The following SPAG7 variants were observed in gnomAD, a reference collection of about 807,000 sequenced individuals.
SPAG7 encodes the protein sperm associated antigen 7, also known as sperm-associated antigen 7.
A neutral mutation model predicts 30.6 loss-of-function variants in SPAG7; 20 were observed. That is an observed-to-expected ratio of 0.65 (90% CI 0.46 to 0.95). The LOEUF (loss-of-function observed/expected upper bound fraction) is 0.95. Ranked by LOEUF, SPAG7 falls within the 40% of genes least tolerant of loss-of-function variation. SPAG7 has a pLI of 0.00. For missense variants in SPAG7, 276 were observed against 291.1 expected (o/e 0.95, Z 0.38); for synonymous variants, 127 against 104.2 (o/e 1.22, Z -1.33).
rs1271908426 is a variant in SPAG7, at chr17:4,960,479, G to A, written c.222C>T (p.Asn74=). The A allele has an allele frequency of 1.2e-6, 2 of 1,602,254 alleles. No individual in the cohort carries two copies. The highest frequency in any genetic ancestry group is 2.2e-5 in the East Asian group (1 of 44,850). ...GQIKKKFQPM[N]KIERSILHDV... is the part of the protein sequence containing the mutation. ...CTCACAGTATGCTCCTCTCGATCTT[G>A]TTCATTGGCTGAAACTTTTTCTTGA... Residue 74 remains asparagine (N), a synonymous_variant, in exon 3 of 7, where the codon AAC becomes AAT. Transcript: ENST00000206020.
At chr17:4,963,654 T>G (rs1020193869) in intron 1 of SPAG7, among the ~76,000 whole-genome samples, 3 of 152,020 alleles carry the variant, frequency 2.0e-5, no homozygotes, top group Non-Finnish European at 4.4e-5. Context: ...AGATGGGGTT[T>G]CACCATATTG....
chr17:4,962,784 G>A (rs1420060531), intron 1 of SPAG7, among the ~76,000 whole-genome samples: 1 of 151,836 alleles, frequency 6.6e-6, no homozygotes, highest in African/African-American at 2.4e-5. Flanking sequence ...TCCTGACCTC[G>A]TGATCCGCCC....
rs1295167889 is a variant in SPAG7 at position 4,959,507 on chromosome 17, G to A, written c.*27C>T. 1 of 1,587,090 alleles carries A rather than the reference G, an allele frequency of 6.3e-7. No homozygotes were observed. Among genetic ancestry groups the A allele is most frequent in the South Asian group, 1.1e-5 (1 of 90,588 alleles). On this transcript the variant is annotated 3_prime_UTR_variant, in exon 7 of 7. Transcript: ENST00000206020. ...TCTCCCTGCCCCCTGCCCTGCCCCAGGGGTCAAAGGGAGCTGGGCGGGGCG... is the reference window on the plus strand; with the variant it reads ...TCTCCCTGCCCCCTGCCCTGCCCCAAGGGTCAAAGGGAGCTGGGCGGGGCG...
At chr17:4,967,669 TGGTCCCGAGAACC>T in intron 1 of SPAG7, 38 bp downstream of exon 1, 9 of 1,383,400 alleles carry the variant, frequency 6.5e-6, no homozygotes, top group Non-Finnish European at 9.3e-6. Context: ...GGGAGAAGTA[TGGTCCCGAGAACC>T]GGGCGAAGGA....
Position 4,966,665 on chromosome 17 carries a change from A to G in SPAG7, c.85+1055T>C, listed in dbSNP as rs569543700. The G allele has an allele frequency of 1.5e-5, 15 of 985,216 alleles. No individual in the cohort carries two copies. In the Admixed American group the frequency reaches 8.0e-4, roughly 52 times the overall value. 61.0% of individuals were successfully genotyped at this position (985,216 alleles called of 1,614,324 possible). On this transcript the variant is annotated intron_variant, in intron 1 of 6. Transcript: ENST00000206020. ...ACCTCAGGTGGCCGCTCTCACAGTT[A>G]TTTTTCTCTCAGAGCACTTATCAAG... is the stretch of plus-strand genomic sequence containing the variant.
In SPAG7 at chr17:4,967,750, C is replaced by A. The variant is rs545945620; in HGVS notation, c.55G>T (p.Gly19Cys). 3.1e-6 allele frequency: 5 copies of A among 1,614,094 alleles called. No individual in the cohort carries two copies. The African/African-American group carries it at 5.3e-5, about 17-fold the overall frequency. The change falls in exon 1 of 7, where the codon GGT (glycine) becomes TGT (cysteine). Residue 19 changes from glycine to cysteine, a missense_variant. Physicochemically the swap from Gly to Cys is radical, Grantham distance 159. Transcript: ENST00000206020. ...LSSMEKPPSL[G>C]DQETRRKARE... The stretch of plus-strand genomic sequence containing the variant: ...GCCTTGCGCCGAGTCTCCTGGTCAC[C>A]GAGGCTGGGTGGCTTCTCCATGGAG...
chr17:4,966,469 C>G lies in SPAG7; in HGVS notation c.85+1251G>C, dbSNP rs1356321329. ...CCCAGTCTGTCAATGCCGGGTGATC[C>G]CCCACTTAGACAGTCATCGGAGCAT... On this transcript the variant is annotated intron_variant, in intron 1 of 6. Transcript: ENST00000206020. 3 of 567,232 alleles carry G rather than the reference C, an allele frequency of 5.3e-6. No individual in the cohort carries two copies. In the African/African-American group the frequency reaches 6.1e-5, roughly 12 times the overall value. The allele number at this position is 567,232 out of a possible 1,614,324, so 35.1% of individuals were successfully genotyped here.
chr17:4,959,228 G>A lies in SPAG7; in HGVS notation c.*306C>T, dbSNP rs1440658532. On this transcript the variant is annotated 3_prime_UTR_variant, in exon 7 of 7. Transcript: ENST00000206020. ...CTGTGTATAAACAAACCAGGACATT[G>A]GGTTAAACAGTATTTATTGAATGTA... 4.5e-6 allele frequency: 2 copies of A among 448,856 alleles called. No homozygotes were observed. The highest frequency in any genetic ancestry group is 8.0e-6 in the Non-Finnish European group (2 of 249,478). 27.8% of individuals were successfully genotyped at this position (448,856 alleles called of 1,614,324 possible). A position where few individuals can be genotyped will look rare whatever the true frequency, so the allele number is the denominator to read the frequency against.
At position 4,959,474 on chromosome 17, in the gene SPAG7, G is replaced by A; in HGVS notation, c.*60C>T. On this transcript the variant is annotated 3_prime_UTR_variant, in exon 7 of 7. Coordinates refer to ENST00000206020, the MANE Select transcript of SPAG7 (RefSeq NM_004890.3). The stretch of plus-strand genomic sequence containing the variant: ...TCCAGGATGGGCTCTAATAGCAGCA[G>A]CCTTGTCTCTCCCTGCCCCCTGCCC... The A allele has an allele frequency of 4.4e-6, 6 of 1,378,010 alleles. No homozygotes were observed. Among genetic ancestry groups the A allele is most frequent in the Non-Finnish European group, 6.1e-6 (6 of 976,706 alleles). The allele number at this position is 1,378,010 out of a possible 1,614,324, so 85.4% of individuals were successfully genotyped here.
chr17:4,963,973 G>A (rs1200919163), intron 1 of SPAG7, among the ~76,000 whole-genome samples: 9 of 151,978 alleles, frequency 5.9e-5, no homozygotes. Flanking sequence ...CATCTTTACA[G>A]AAAACTTTTT....
At chr17:4,961,019 C>T (rs1454427416) in intron 1 of SPAG7, among the ~76,000 whole-genome samples, 166 bp from the exon 2 acceptor site, 1 of 152,180 alleles carries the variant, frequency 6.6e-6, no homozygotes, top group Non-Finnish European at 1.5e-5. Context: ...ATCTAATAGT[C>T]CCCCTTATCC....
intron 1 of SPAG7, chr17:4,966,911 C>T (rs924306672): frequency 8.1e-6 from 8 of 985,438 alleles, no homozygotes; most frequent in Non-Finnish European, 9.6e-6. Flanking sequence ...TGGTCAAGGT[C>T]CGCAGGTTTG....
chr17:4,961,693 A>G (rs1971866173), intron 1 of SPAG7, among the ~76,000 whole-genome samples: 1 of 142,552 alleles, frequency 7.0e-6, no homozygotes, highest in Admixed American at 7.3e-5. Context: ...TGAACCTGGG[A>G]GGCGGAGCTT....
At position 4,959,861 on chromosome 17, in the gene SPAG7, C is replaced by T. The variant is rs1286598703; in HGVS notation, c.473G>A (p.Ser158Asn). 6.2e-7 allele frequency: 1 copy of T among 1,613,978 alleles called. No homozygotes were observed. The highest frequency in any genetic ancestry group is 8.5e-7 in the Non-Finnish European group (1 of 1,180,036). The change falls in exon 6 of 7, where the codon AGC (serine) becomes AAC (asparagine). Residue 158 changes from serine to asparagine, a missense_variant. By Grantham distance (46) the Ser-to-Asn change is conservative. Transcript: ENST00000206020. ...EAAQQGPVVV[S>N]PASDYKDKYS... ...CTTGTCCTTGTAGTCGCTGGCAGGG[C>T]TCACCACCACAGGCCCCTGCTGGGC...
intron 1 of SPAG7, chr17:4,966,960 C>G (rs899415141): frequency 1.7e-5 from 17 of 985,440 alleles, no homozygotes; most frequent in Non-Finnish European, 1.9e-5. Context: ...TCATCCCAAG[C>G]TGCAACACGA....
intron 1 of SPAG7, among the ~76,000 whole-genome samples, chr17:4,961,891 C>T (rs1971870352): frequency 6.6e-6 from 1 of 151,454 alleles, no homozygotes; most frequent in South Asian, 2.1e-4. Flanking sequence ...CTGTATATAA[C>T]AGTTCTGGAC....
rs771483534 is a variant in SPAG7 at position 4,960,228 on chromosome 17, C to G, written c.327+6G>C. 1 of 1,613,974 alleles carries G rather than the reference C, an allele frequency of 6.2e-7. No homozygotes were observed. Among genetic ancestry groups the G allele is most frequent in the Non-Finnish European group, 8.5e-7 (1 of 1,179,872 alleles). ...GAGGAGAGAATGAGGAATTCAGGCC[C>G]TTTACCTTTTTGAAGATCATGACAT... On this transcript the variant is annotated splice_donor_region_variant and intron_variant, in intron 4 of 6. Transcript: ENST00000206020.
chr17:4,966,482 G>A, intron 1 of SPAG7: 1 of 672,024 alleles, frequency 1.5e-6, no homozygotes, highest in Non-Finnish European at 1.8e-6. Context: ...CACTTAGACA[G>A]TCATCGGAGC....
Position 4,959,701 on chromosome 17 carries a change from C to T in SPAG7, c.575-58G>A, listed in dbSNP as rs990704644. 4.3e-6 allele frequency: 7 copies of T among 1,613,486 alleles called. No homozygotes were observed. The African/African-American group carries it at 5.3e-5, about 12-fold the overall frequency. ...GAAATCCGTACCTCAGCCTCCACTG[C>T]CCTCCTGCCGCATCCTATGCTCCTC... On this transcript the variant is annotated intron_variant, in intron 6 of 6. Transcript: ENST00000206020.
Sources: allele counts gnomAD v4.1 joint callset (sites outside exome capture counted in the v4.1 genomes callset), GRCh38; gene constraint gnomAD v4.1.1; transcripts MANE v1.5; gene names NCBI Gene and HGNC (gene_info 2026-07-23, HGNC 2026-07-21).